The following CCDC73 variants were observed in gnomAD, a reference collection of about 807,000 sequenced individuals.
The protein encoded by CCDC73 is coiled-coil domain-containing protein 73.
Under a neutral mutation model 116.5 loss-of-function variants are expected in CCDC73, and 95 were observed. The ratio of observed to expected loss-of-function variants is 0.82; its 90% CI spans 0.69 to 0.97. The LOEUF is 0.97. CCDC73 is among the 50% of genes least tolerant of loss of function. The pLI is 0.00. For missense variants in CCDC73, 1,066 were observed against 1,206.8 expected (o/e 0.88, Z 1.73); for synonymous variants, 398 against 401.3 (o/e 0.99, Z 0.10).
chr11:32,653,014 A>G (rs1285210427), intron 12 of CCDC73, 109 bp downstream of exon 12: 1 of 608,188 alleles, frequency 1.6e-6, no homozygotes, highest in African/African-American at 1.9e-5. Context: ...TAGAATTCAA[A>G]ATAATCTCAA....
the CCDC73 span, among the ~76,000 whole-genome samples, chr11:32,819,853 C>T: frequency 5.9e-5 from 9 of 152,082 alleles, no homozygotes; most frequent in African/African-American, 1.9e-4. Flanking sequence ...TGGAGGTGGA[C>T]ATATACATTT....
chr11:32,654,176 T>C, intron 10 of CCDC73, 139 bp from the exon 11 acceptor site: 1 of 788,310 alleles, frequency 1.3e-6, no homozygotes, highest in Non-Finnish European at 1.9e-6. Flanking sequence ...TGTTTGTTTA[T>C]TTGTATGTTT....
chr11:32,779,978 T>C (rs1272001972), intron 1 of CCDC73, among the ~76,000 whole-genome samples: 1 of 152,124 alleles, frequency 6.6e-6, no homozygotes, highest in Non-Finnish European at 1.5e-5. Context: ...AAAGTATATG[T>C]TAAAATAACA....
chr11:32,738,035 T>C (rs2133353662), intron 2 of CCDC73, among the ~76,000 whole-genome samples: 1 of 152,372 alleles, frequency 6.6e-6, no homozygotes, highest in Non-Finnish European at 1.5e-5. Context: ...CTCATTCTTC[T>C]TTATGGCTGA....
At position 32,613,634 on chromosome 11, in the gene CCDC73, GT is replaced by G. The variant is rs764792181; in HGVS notation, c.2683del (p.Thr895LeufsTer8). 1.2e-6 allele frequency: 2 copies of G among 1,613,836 alleles called. No individual in the cohort carries two copies. The highest frequency in any genetic ancestry group is 1.3e-5 in the African/African-American group (1 of 74,890). ...ATTCATGTATACTGGAGTTTTCTCA[GT>G]TTTTTTATCTGAAGTTGAAAGATCA... The part of the protein sequence containing the change: ...TFDLSTSDKK[T>X]EKTPVYMNFS... On this transcript the variant is annotated frameshift_variant, in exon 16 of 18. Transcript: ENST00000335185. LOFTEE classifies it high-confidence loss of function.
intron 2 of CCDC73, among the ~76,000 whole-genome samples, chr11:32,733,453 C>A (rs1008661997): frequency 6.6e-6 from 1 of 152,156 alleles, no homozygotes; most frequent in African/African-American, 2.4e-5. Flanking sequence ...CACCCCAAAT[C>A]GACATAATAT....
At chr11:32,640,821 T>A (rs1395303976) in intron 13 of CCDC73, among the ~76,000 whole-genome samples, 3 of 151,960 alleles carry the variant, frequency 2.0e-5, no homozygotes, top group Non-Finnish European at 4.4e-5. Flanking sequence ...ATCGAGACCA[T>A]CCTGGCTAAC....
chr11:32,715,243 A>G (rs879361960), intron 3 of CCDC73, among the ~76,000 whole-genome samples: 3 of 152,014 alleles, frequency 2.0e-5, no homozygotes, highest in African/African-American at 4.8e-5. Flanking sequence ...TGGCCACTCT[A>G]TGGTGTGAGT....
At chr11:32,740,300 C>A (rs1850172199) in intron 2 of CCDC73, among the ~76,000 whole-genome samples, 1 of 151,882 alleles carries the variant, frequency 6.6e-6, no homozygotes, top group African/African-American at 2.4e-5. Context: ...TGATAAAATT[C>A]CACAGTGAAG....
the CCDC73 span, among the ~76,000 whole-genome samples, chr11:32,800,331 AAAAG>A: frequency 6.6e-6 from 1 of 151,958 alleles, no homozygotes; most frequent in South Asian, 2.1e-4. Flanking sequence ...ACATGGGAGA[AAAAG>A]TCAAACATTA....
At position 32,635,681 on chromosome 11, in the gene CCDC73, A is replaced by G; in HGVS notation, c.1185+15T>C. 4.7e-6 allele frequency: 6 copies of G among 1,289,796 alleles called. No homozygotes were observed. The highest frequency in any genetic ancestry group is 6.0e-6 in the Non-Finnish European group (6 of 1,001,632). 79.9% of individuals were successfully genotyped at this position (1,289,796 alleles called of 1,614,324 possible). A position where few individuals can be genotyped will look rare whatever the true frequency, so the allele number is the denominator to read the frequency against. ...TCTTTGATAGTTTGTACCCCACAAC[A>G]TACTTAAATTTTACCTGAAACTTTT... On this transcript the variant is annotated intron_variant, in intron 14 of 17. Coordinates refer to ENST00000335185, the MANE Select transcript of CCDC73 (RefSeq NM_001008391.4).
chr11:32,731,779 C>A (rs980213057), intron 2 of CCDC73, among the ~76,000 whole-genome samples: 1 of 152,118 alleles, frequency 6.6e-6, no homozygotes, highest in Non-Finnish European at 1.5e-5. Context: ...CATCAAAGAC[C>A]AAAGGTAGAT....
chr11:32,659,752 A>G (rs528582846), intron 9 of CCDC73, among the ~76,000 whole-genome samples: 29 of 152,246 alleles, frequency 1.9e-4, no homozygotes, highest in African/African-American at 6.5e-4. Context: ...AGGGACCACA[A>G]AGTTAGGCAG....
chr11:32,829,729 C>G, the CCDC73 span: 6 of 977,280 alleles, frequency 6.1e-6, no homozygotes, highest in African/African-American at 8.8e-5. Context: ...AGCAGCCACC[C>G]GCGCCGCCAA....
the CCDC73 span, among the ~76,000 whole-genome samples, chr11:32,809,819 C>A: frequency 6.6e-6 from 1 of 152,152 alleles, no homozygotes; most frequent in African/African-American, 2.4e-5. Flanking sequence ...CTCCTACTAG[C>A]TTCATTGATA....
At chr11:32,794,190 G>A (rs779994237) in intron 1 of CCDC73, among the ~76,000 whole-genome samples, 1 of 152,146 alleles carries the variant, frequency 6.6e-6, no homozygotes, top group Non-Finnish European at 1.5e-5. Flanking sequence ...CTAACTCTGA[G>A]CGGTCAGAGT....
intron 13 of CCDC73, among the ~76,000 whole-genome samples, chr11:32,641,103 C>G (rs535722541): frequency 6.6e-6 from 1 of 151,940 alleles, no homozygotes; most frequent in Non-Finnish European, 1.5e-5. Context: ...TAATTTGAAT[C>G]AAACAAAATA....
the CCDC73 span, chr11:32,830,050 A>T: frequency 1.0e-6 from 1 of 987,202 alleles, no homozygotes; most frequent in African/African-American, 1.7e-5. Flanking sequence ...CCCTGCGGAG[A>T]GCGAGGCCCG....
At chr11:32,768,636 T>C (rs1057505379) in intron 1 of CCDC73, among the ~76,000 whole-genome samples, 13 of 152,206 alleles carry the variant, frequency 8.5e-5, no homozygotes, top group African/African-American at 3.1e-4. Flanking sequence ...TGCTTCCAGA[T>C]TGATAATGCC....
Sources: gnomAD v4.1 joint callset for allele counts (sites outside exome capture counted in the v4.1 genomes callset) on GRCh38, gnomAD v4.1.1 for gene constraint, MANE v1.5 for transcripts, NCBI Gene and HGNC (gene_info 2026-07-23, HGNC 2026-07-21) for gene names.